The following TSHZ2 variants were observed in gnomAD, a reference collection of about 807,000 sequenced individuals.
TSHZ2 encodes the protein teashirt zinc finger homeobox 2.
In TSHZ2, 21 loss-of-function variants were observed where a neutral mutation model predicts 74.4. The ratio of observed to expected loss-of-function variants is 0.28; its 90% CI spans 0.20 to 0.41. TSHZ2 has a LOEUF of 0.41. Ranked by LOEUF, TSHZ2 falls within the 10% of genes least tolerant of loss-of-function variation. The pLI, the probability that TSHZ2 is intolerant of heterozygous loss-of-function variation, is 1.00. For synonymous variants in TSHZ2, 540 were observed against 515.3 expected (o/e 1.05, Z -0.65); for missense variants, 1,244 against 1,293.5 (o/e 0.96, Z 0.59).
At chr20:53,309,365 G>A (rs926294203) in intron 2 of TSHZ2, among the ~76,000 whole-genome samples, 1 of 151,920 alleles carries the variant, frequency 6.6e-6, no homozygotes, top group Non-Finnish European at 1.5e-5. Flanking sequence ...ACCAAAGCAT[G>A]CAAAGCCTTT....
At chr20:53,245,942 T>C (rs983932835) in intron 1 of TSHZ2, among the ~76,000 whole-genome samples, 1 of 152,158 alleles carries the variant, frequency 6.6e-6, no homozygotes, top group Admixed American at 6.5e-5. Flanking sequence ...ATGTATTTAG[T>C]TTTGTCCACA....
intron 1 of TSHZ2, among the ~76,000 whole-genome samples, chr20:53,204,710 TACTC>T (rs1989121163): frequency 6.6e-6 from 1 of 152,128 alleles, no homozygotes; most frequent in East Asian, 1.9e-4. Flanking sequence ...TTTTATTTCA[TACTC>T]AGAATAACTC....
At chr20:52,979,727 A>G (rs572858381) in intron 1 of TSHZ2, among the ~76,000 whole-genome samples, 41 of 152,176 alleles carry the variant, frequency 2.7e-4, no homozygotes, top group Non-Finnish European at 4.4e-4. Flanking sequence ...GGCACCCTCA[A>G]ATATTCTGGG....
At chr20:53,230,497 C>G (rs926182614) in intron 1 of TSHZ2, among the ~76,000 whole-genome samples, 10 of 152,154 alleles carry the variant, frequency 6.6e-5, no homozygotes, top group African/African-American at 2.4e-4. Flanking sequence ...ACAGAGAACA[C>G]AAATGTCATG....
At chr20:53,207,133 G>A (rs2123598173) in intron 1 of TSHZ2, among the ~76,000 whole-genome samples, 1 of 152,272 alleles carries the variant, frequency 6.6e-6, no homozygotes, top group African/African-American at 2.4e-5. Context: ...GGATAATGAT[G>A]CCCTAATAAA....
intron 1 of TSHZ2, among the ~76,000 whole-genome samples, chr20:53,108,251 G>C (rs1670526345): frequency 6.6e-6 from 1 of 152,224 alleles, no homozygotes; most frequent in African/African-American, 2.4e-5. Flanking sequence ...CACAGAGCCA[G>C]AGAGAGTCTG....
At chr20:53,248,768 G>C (rs186869741) in intron 1 of TSHZ2, among the ~76,000 whole-genome samples, 9 of 152,298 alleles carry the variant, frequency 5.9e-5, no homozygotes, top group African/African-American at 1.9e-4. Context: ...CAAAGAAGTT[G>C]GGCAGCAAGG....
Position 53,256,245 on chromosome 20 carries a change from T to A in TSHZ2, c.2787T>A (p.Ser929Arg). ...MDKGHPIFYC[S>R]DCASQFRTPS... ...AAGGCCACCCCATCTTTTATTGCAG[T>A]GACTGTGCCTCCCAGTTCAGAACCC... The change falls in exon 2 of 3, where the codon AGT (serine) becomes AGA (arginine). Residue 929 changes from serine to arginine, a missense_variant. By Grantham distance (110) the Ser-to-Arg change is moderately radical (BLOSUM62 -1). This residue lies in a region of TSHZ2 where 185 missense variants were observed against 213.3 expected (regional missense o/e 0.87). Transcript: ENST00000371497. The surrounding 1 kb of genome is among the most constrained non-coding windows in gnomAD (Gnocchi z 4.3). 1 of 1,614,032 alleles carries A rather than the reference T, an allele frequency of 6.2e-7. No individual in the cohort carries two copies.
chr20:53,211,221 T>C (rs1455284673), intron 1 of TSHZ2, among the ~76,000 whole-genome samples: 2 of 152,162 alleles, frequency 1.3e-5, no homozygotes, highest in East Asian at 3.9e-4. Context: ...CCAGAGACTT[T>C]AAGTAACTTT....
chr20:53,044,846 A>C (rs1364112672), intron 1 of TSHZ2, among the ~76,000 whole-genome samples: 1 of 152,010 alleles, frequency 6.6e-6, no homozygotes, highest in African/African-American at 2.4e-5. Context: ...AGTAGCTGGG[A>C]CTACAGGTGC....
chr20:53,109,922 C>A (rs1986484153), intron 1 of TSHZ2, among the ~76,000 whole-genome samples: 1 of 152,244 alleles, frequency 6.6e-6, no homozygotes, highest in Admixed American at 6.5e-5. Flanking sequence ...CTCCTCTTTA[C>A]ACTCAGAGAT....
intron 2 of TSHZ2, chr20:53,398,766 A>G (rs1206444692): frequency 6.6e-6 from 1 of 152,146 alleles, no homozygotes; most frequent in Admixed American, 6.5e-5. Context: ...AACACACAAA[A>G]AAGTTTTATC....
intron 1 of TSHZ2, among the ~76,000 whole-genome samples, chr20:53,056,270 A>G (rs1479621768): frequency 6.6e-6 from 1 of 152,128 alleles, no homozygotes; most frequent in African/African-American, 2.4e-5. Flanking sequence ...ACTACAGGGA[A>G]TATCAGGCCA....
Position 53,059,733 on chromosome 20 carries a change from A to G in TSHZ2, c.40+86400A>G, listed in dbSNP as rs544382807. ...CTCACTTATTTTGTTTCACGTTCCT[A>G]TTGACTTTGAAATGTTGTCCTTTTT... On this transcript the variant is annotated intron_variant, in intron 1 of 2. Transcript: ENST00000371497. Among the ~76,000 whole-genome samples the G allele has an allele frequency of 4.9e-4, 74 of 152,232 alleles. 1 individual carries two copies. In the South Asian group the frequency reaches 0.014, roughly 30 times the overall value.
intron 1 of TSHZ2, among the ~76,000 whole-genome samples, chr20:53,049,545 G>A (rs1390296933): frequency 1.3e-5 from 2 of 152,136 alleles, no homozygotes; most frequent in Non-Finnish European, 2.9e-5. Flanking sequence ...GACATTTTAT[G>A]TTTTACTGTC....
chr20:53,195,641 C>T (rs1988845429), intron 1 of TSHZ2, among the ~76,000 whole-genome samples: 1 of 152,190 alleles, frequency 6.6e-6, no homozygotes, highest in Non-Finnish European at 1.5e-5. Context: ...GTGACCCTGA[C>T]GGGTCCCCTC....
intron 1 of TSHZ2, among the ~76,000 whole-genome samples, chr20:52,993,342 T>C (rs1193061314): frequency 6.6e-6 from 1 of 152,236 alleles, no homozygotes; most frequent in Non-Finnish European, 1.5e-5. Flanking sequence ...TTCTTGCATT[T>C]CCTGTGGACT....
chr20:52,975,483 T>C (rs890528233), intron 1 of TSHZ2, among the ~76,000 whole-genome samples: 6 of 151,790 alleles, frequency 4.0e-5, no homozygotes, highest in Non-Finnish European at 7.4e-5. Context: ...CTGTGTCTGT[T>C]GGTGCTGGCT....
intron 1 of TSHZ2, among the ~76,000 whole-genome samples, chr20:53,246,198 C>T (rs975213272): frequency 6.6e-5 from 10 of 151,972 alleles, no homozygotes; most frequent in African/African-American, 2.2e-4. Context: ...TGCACCACCA[C>T]ACCCAGCTAA....
Sources: gnomAD v4.1 joint callset for allele counts (sites outside exome capture counted in the v4.1 genomes callset) on GRCh38, gnomAD v4.1.1 for gene constraint, gnomAD v4.1.1 regional missense constraint, Gnocchi (gnomAD v3.1) non-coding constraint, MANE v1.5 for transcripts, NCBI Gene and HGNC (gene_info 2026-07-23, HGNC 2026-07-21) for gene names.